CYTH4: variants seen among roughly 807,000 people sequenced by gnomAD.
The protein encoded by CYTH4 is cytohesin 4.
A neutral mutation model predicts 57.5 loss-of-function variants in CYTH4; 22 were observed. The ratio of observed to expected loss-of-function variants is 0.38; its 90% CI spans 0.27 to 0.55. The LOEUF (loss-of-function observed/expected upper bound fraction) is 0.55. CYTH4 is among the 20% of genes least tolerant of loss of function. The pLI is 0.74. For missense variants in CYTH4, 420 were observed against 535.6 expected (o/e 0.78, Z 2.13); for synonymous variants, 186 against 206.5 (o/e 0.90, Z 0.85).
chr22:37,306,058 G>C (rs769880158), intron 8 of CYTH4, among the ~76,000 whole-genome samples: 3 of 152,220 alleles, frequency 2.0e-5, no homozygotes, highest in Non-Finnish European at 2.9e-5. Flanking sequence ...ATGAGCCTCA[G>C]CTTCCTCATC....
Position 37,297,486 on chromosome 22 carries a change from G to A in CYTH4, c.235-78G>A, listed in dbSNP as rs765038356. 1.2e-5 allele frequency: 16 copies of A among 1,327,642 alleles called. No homozygotes were observed. The East Asian group carries it at 1.6e-4, about 14-fold the overall frequency. The allele number at this position is 1,327,642 out of a possible 1,614,324, so 82.2% of individuals were successfully genotyped here. A position where few individuals can be genotyped will look rare whatever the true frequency, so the allele number is the denominator to read the frequency against. ...GCCAGGCTCCAGGATTCTGGCCATG[G>A]AAGCTCCTTCCTCCCTTCCCCCTCC... On this transcript the variant is annotated intron_variant, in intron 4 of 12. Transcript: ENST00000248901.
Position 37,295,906 on chromosome 22 carries a change from G to T in CYTH4, c.168-93G>T. The T allele has an allele frequency of 1.5e-6, 2 of 1,349,006 alleles. No individual in the cohort carries two copies. Among genetic ancestry groups the T allele is most frequent in the East Asian group, 5.0e-5 (2 of 40,012 alleles). 83.6% of individuals were successfully genotyped at this position (1,349,006 alleles called of 1,614,324 possible). On this transcript the variant is annotated intron_variant, in intron 3 of 12. Transcript: ENST00000248901. This position sits in a 1 kb window ranked among gnomAD's most constrained non-coding sequence, Gnocchi z 4.1. The stretch of plus-strand genomic sequence containing the variant: ...GCCACACTTGGAGGGCCCTAGAGGG[G>T]TATGGGCTCCTGCTGAGGCAAGGGT...
intron 1 of CYTH4, among the ~76,000 whole-genome samples, chr22:37,285,958 C>T (rs997662484): frequency 2.6e-5 from 4 of 152,028 alleles, no homozygotes; most frequent in African/African-American, 9.7e-5. Context: ...TGAGGATTCA[C>T]GAACACACTT....
At position 37,303,366 on chromosome 22, in the gene CYTH4, C is replaced by G; in HGVS notation, c.660C>G (p.Ile220Met). ...GCTTTGTGTCCATGAACCGCGGCAT[C>G]AACAATGGTAGCGACCTGCCCGAGG... is the stretch of plus-strand genomic sequence containing the variant. ...FERFVSMNRGINNGSDLPEDQ... is the reference protein window; with the variant it reads ...FERFVSMNRGMNNGSDLPEDQ... Residue 220 changes from isoleucine to methionine, a missense_variant, in exon 8 of 13, where the codon ATC (isoleucine) becomes ATG (methionine). Ile to Met is a conservative substitution (Grantham distance 10). Transcript: ENST00000248901. The G allele has an allele frequency of 6.2e-7, 1 of 1,614,136 alleles. No individual in the cohort carries two copies. Among genetic ancestry groups the G allele is most frequent in the Non-Finnish European group, 8.5e-7 (1 of 1,179,990 alleles).
chr22:37,282,750 C>T (rs1030286109), intron 1 of CYTH4, among the ~76,000 whole-genome samples, 162 bp downstream of exon 1: 21 of 152,206 alleles, frequency 1.4e-4, no homozygotes, highest in African/African-American at 4.6e-4. Context: ...TGTCCAGTTG[C>T]GTTCTAGGGG....
rs930225061 is a variant in CYTH4, at chr22:37,283,241, C to G, written c.19+653C>G. Among the ~76,000 whole-genome samples, 154 of 152,232 alleles carry G rather than the reference C, an allele frequency of 1.0e-3. 1 individual carries two copies. Among genetic ancestry groups the G allele is most frequent in the Non-Finnish European group, 1.5e-4 (10 of 68,016 alleles). ...CAGAGGCTCTGGTTGAAACCCTCCC[C>G]AGCTACTAAGACAATGTGTCTGGGG... is the stretch of plus-strand genomic sequence containing the variant. On this transcript the variant is annotated intron_variant, in intron 1 of 12. Coordinates refer to ENST00000248901, the MANE Select transcript of CYTH4 (RefSeq NM_013385.5).
intron 7 of CYTH4, among the ~76,000 whole-genome samples, chr22:37,302,482 A>T (rs1929219574): frequency 6.6e-6 from 1 of 152,252 alleles, no homozygotes; most frequent in Admixed American, 6.5e-5. Flanking sequence ...AGAGCTTAGC[A>T]CAGGGCAAGC....
Position 37,295,950 on chromosome 22 carries a change from G to A in CYTH4, c.168-49G>A, listed in dbSNP as rs1480666920. On this transcript the variant is annotated intron_variant, in intron 3 of 12. Coordinates refer to ENST00000248901, the MANE Select transcript of CYTH4 (RefSeq NM_013385.5). This position sits in a 1 kb window ranked among gnomAD's most constrained non-coding sequence, Gnocchi z 4.1. ...CAAGGGTCCTTGGGGAGTGGAGAGG[G>A]TAATTCAGGGTCCTGGGGCAGCCCA... 6.3e-7 allele frequency: 1 copy of A among 1,578,856 alleles called. No individual in the cohort carries two copies. The highest frequency in any genetic ancestry group is 8.6e-7 in the Non-Finnish European group (1 of 1,157,386).
intron 1 of CYTH4, among the ~76,000 whole-genome samples, chr22:37,286,224 A>G (rs552552310): frequency 6.6e-6 from 1 of 152,318 alleles, no homozygotes; most frequent in East Asian, 1.9e-4. Context: ...TGGAGAGATC[A>G]GCCTTCGGAA....
intron 2 of CYTH4, 86 bp from the exon 3 acceptor site, chr22:37,294,574 G>T: frequency 6.8e-7 from 1 of 1,478,048 alleles, no homozygotes; most frequent in Non-Finnish European, 9.4e-7. Flanking sequence ...CGTGCCCAGG[G>T]GTAGGAGTGG....
rs369785322 is a variant in CYTH4 at position 37,292,607 on chromosome 22, T to C, written c.20-14T>C. 3.7e-6 allele frequency: 6 copies of C among 1,613,120 alleles called. No homozygotes were observed. In the African/African-American group the frequency reaches 4.0e-5, roughly 11 times the overall value. On this transcript the variant is annotated splice_polypyrimidine_tract_variant and intron_variant, in intron 1 of 12. Transcript: ENST00000248901. ...GGAGCCAAGTGATGGGGAAGGCCGG[T>C]TGTCTCTCTGTAGAGCCCGCGGAGC...
Position 37,300,886 on chromosome 22 carries a change from G to A in CYTH4, c.435-21G>A, listed in dbSNP as rs200836790. The A allele has an allele frequency of 2.0e-4, 329 of 1,609,370 alleles. 1 individual carries two copies. In the East Asian group the frequency reaches 2.3e-3, roughly 11 times the overall value. ...CGAGGGCCCACCCACTCCACTGCCC[G>A]TGGCCCCGTTTCTCCCCCAGGCAGT... On this transcript the variant is annotated intron_variant, in intron 6 of 12. Transcript: ENST00000248901.
At chr22:37,312,491 G>A (rs1222117897) in intron 12 of CYTH4, among the ~76,000 whole-genome samples, 1 of 152,250 alleles carries the variant, frequency 6.6e-6, no homozygotes, top group Non-Finnish European at 1.5e-5. Context: ...ACTATCCAAA[G>A]TGGCCTGGGA....
At position 37,302,708 on chromosome 22, in the gene CYTH4, A is replaced by G. The variant is rs1224239901; in HGVS notation, c.548-546A>G. 2.0e-5 allele frequency among the ~76,000 whole-genome samples: 3 copies of G among 152,136 alleles called. No homozygotes were observed. In the South Asian group the frequency reaches 6.2e-4, roughly 32 times the overall value. On this transcript the variant is annotated intron_variant, in intron 7 of 12. Transcript: ENST00000248901. ...CAAATACTCGACAAAAGACCTTGCC[A>G]GAGTAGCAATTACCTCCCTCCCCAG... is the stretch of plus-strand genomic sequence containing the variant.
intron 8 of CYTH4, among the ~76,000 whole-genome samples, chr22:37,308,822 G>C (rs1008090151): frequency 1.3e-5 from 2 of 152,036 alleles, no homozygotes; most frequent in African/African-American, 4.8e-5. Context: ...GTATGTGTGA[G>C]CATGCATTTA....
At chr22:37,312,911 A>T (rs981460191) in intron 12 of CYTH4, among the ~76,000 whole-genome samples, 2 of 152,252 alleles carry the variant, frequency 1.3e-5, no homozygotes, top group Admixed American at 1.3e-4. Context: ...GGAAGGCTGA[A>T]GTGGTTGCTG....
chr22:37,286,385 T>C (rs1928562522), intron 1 of CYTH4, among the ~76,000 whole-genome samples: 1 of 152,264 alleles, frequency 6.6e-6, no homozygotes, highest in Admixed American at 6.5e-5. Context: ...TAGAAGTACC[T>C]TTCCTTTCGG....
chr22:37,285,061 A>G (rs1453824187), intron 1 of CYTH4, among the ~76,000 whole-genome samples: 3 of 152,116 alleles, frequency 2.0e-5, no homozygotes, highest in Non-Finnish European at 4.4e-5. Context: ...TCCTACTGAG[A>G]CTTTGAGGGG....
chr22:37,283,589 G>A (rs1928441442), intron 1 of CYTH4, among the ~76,000 whole-genome samples: 1 of 152,002 alleles, frequency 6.6e-6, no homozygotes, highest in African/African-American at 2.4e-5. Context: ...GAAGCCTCGG[G>A]CCCCAGGGAA....
Sources: gnomAD v4.1 joint callset for allele counts (sites outside exome capture counted in the v4.1 genomes callset) on GRCh38, gnomAD v4.1.1 for gene constraint, Gnocchi (gnomAD v3.1) non-coding constraint, MANE v1.5 for transcripts, NCBI Gene and HGNC (gene_info 2026-07-23, HGNC 2026-07-21) for gene names.